Variants in CUL3 observed in about 807,000 individuals in gnomAD.
CUL3 encodes cullin 3.
Under a neutral mutation model 89.1 loss-of-function variants are expected in CUL3, and 19 were observed. That is an observed-to-expected ratio of 0.21 (90% CI 0.15 to 0.31). The LOEUF is 0.31. Ranked by LOEUF, CUL3 falls within the 10% of genes least tolerant of loss-of-function variation. The probability of loss-of-function intolerance (pLI) is 1.00; values close to 1 mark genes in which losing one functional copy is unlikely to be tolerated. For missense variants in CUL3, 469 were observed against 942.3 expected, an observed-to-expected ratio of 0.50 and a Z score of 6.58; for synonymous variants, 351 against 308.4, an observed-to-expected ratio of 1.14 and a Z score of -1.45.
intron 8 of CUL3, among the ~76,000 whole-genome samples, chr2:224,505,478 C>T (rs1234771919): frequency 6.6e-6 from 1 of 152,144 alleles, no homozygotes; most frequent in Non-Finnish European, 1.5e-5. Context: ...CTCTGTCGCC[C>T]AGCATAGAGT....
chr2:224,552,365 A>C (rs1224328393), intron 2 of CUL3, among the ~76,000 whole-genome samples: 1 of 152,210 alleles, frequency 6.6e-6, no homozygotes, highest in Admixed American at 6.5e-5. Context: ...GGTCTTGAGA[A>C]ATGAACTAAA....
At chr2:224,557,416 T>G (rs1694747687) in intron 2 of CUL3, among the ~76,000 whole-genome samples, 1 of 152,184 alleles carries the variant, frequency 6.6e-6, no homozygotes, top group African/African-American at 2.4e-5. Flanking sequence ...ATTACTGAGT[T>G]TGCTTCATTA....
In CUL3 at chr2:224,482,986, T is replaced by C. The variant is rs75093018; in HGVS notation, c.1843-908A>G. Among the ~76,000 whole-genome samples the C allele has an allele frequency of 5.8e-3, 876 of 152,246 alleles. 9 individuals carry two copies. Among genetic ancestry groups the C allele is most frequent in the African/African-American group, 0.021 (852 of 41,558 alleles). On this transcript the variant is annotated intron_variant, in intron 13 of 15. Transcript: ENST00000264414. The stretch of plus-strand genomic sequence containing the variant: ...AGTAACTGATCTGGAGAGTCAGTCA[T>C]TCTCTCTAGACAAGTCTTTGAGCAA...
chr2:224,535,734 G>T (rs1243940310), intron 2 of CUL3, 93 bp from the exon 3 acceptor site: 4 of 762,266 alleles, frequency 5.2e-6, no homozygotes, highest in East Asian at 5.4e-5. Flanking sequence ...ATAATGAAGT[G>T]GAATCTTTAA....
At chr2:224,474,479 A>G (rs1691245026) in intron 15 of CUL3, 103 bp from the exon 16 acceptor site, 2 of 907,636 alleles carry the variant, frequency 2.2e-6, no homozygotes, top group South Asian at 4.0e-5. Flanking sequence ...GAACTTTACT[A>G]ACTGGATTAC....
intron 1 of CUL3, among the ~76,000 whole-genome samples, chr2:224,573,480 T>C (rs1695231558): frequency 6.6e-6 from 1 of 152,234 alleles, no homozygotes; most frequent in South Asian, 2.1e-4. Flanking sequence ...TTCCCAAGTT[T>C]TTCATAACTT....
intron 1 of CUL3, among the ~76,000 whole-genome samples, chr2:224,566,009 A>G (rs781725231): frequency 6.6e-6 from 1 of 152,166 alleles, no homozygotes; most frequent in Non-Finnish European, 1.5e-5. Context: ...AGCAATGACA[A>G]TCTTTTCCAT....
chr2:224,487,629 A>C (rs776431887), intron 13 of CUL3, among the ~76,000 whole-genome samples: 2 of 152,134 alleles, frequency 1.3e-5, no homozygotes, highest in Admixed American at 6.5e-5. Context: ...CTCTACAAAG[A>C]GACTCAGACT....
At chr2:224,489,042 C>T (rs988228999) in intron 13 of CUL3, among the ~76,000 whole-genome samples, 1 of 152,176 alleles carries the variant, frequency 6.6e-6, no homozygotes, top group Non-Finnish European at 1.5e-5. Context: ...GCAGAAAAGA[C>T]CTTTGGTAAA....
chr2:224,570,045 C>T (rs1445900837), intron 1 of CUL3, among the ~76,000 whole-genome samples: 1 of 143,418 alleles, frequency 7.0e-6, no homozygotes, highest in Admixed American at 7.0e-5. Context: ...CTATTAATTA[C>T]ATAAGGAAGC....
At chr2:224,517,086 CTTT>C (rs1693081459) in intron 3 of CUL3, among the ~76,000 whole-genome samples, 2 of 152,272 alleles carry the variant, frequency 1.3e-5, no homozygotes, top group South Asian at 2.1e-4. Flanking sequence ...ACAAGAATCC[CTTT>C]TATTATAAAA....
intron 1 of CUL3, among the ~76,000 whole-genome samples, chr2:224,562,515 G>A (rs549630080): frequency 7.8e-4 from 119 of 151,988 alleles, no homozygotes; most frequent in Middle Eastern, 6.8e-3. Flanking sequence ...GTGCGTGCCT[G>A]TAATCCCAGC....
At chr2:224,488,010 C>T (rs1691804411) in intron 13 of CUL3, among the ~76,000 whole-genome samples, 1 of 152,110 alleles carries the variant, frequency 6.6e-6, no homozygotes, top group Non-Finnish European at 1.5e-5. Context: ...GGGTAAATAA[C>T]ACAATGAAGG....
chr2:224,581,312 C>T (rs1367782198), intron 1 of CUL3, among the ~76,000 whole-genome samples: 1 of 151,128 alleles, frequency 6.6e-6, no homozygotes, highest in Non-Finnish European at 1.5e-5. Context: ...AGAAGAATCG[C>T]TCGAACCCAG....
At chr2:224,576,765 C>T (rs1338014264) in intron 1 of CUL3, among the ~76,000 whole-genome samples, 1 of 151,602 alleles carries the variant, frequency 6.6e-6, no homozygotes, top group East Asian at 1.9e-4. Context: ...TTTAGATGCA[C>T]ATTTAACGTA....
chr2:224,574,580 G>C (rs1338060485), intron 1 of CUL3, among the ~76,000 whole-genome samples: 12 of 152,148 alleles, frequency 7.9e-5, no homozygotes, highest in African/African-American at 2.9e-4. Context: ...GGACCACAGA[G>C]GGAGCTTTCA....
At chr2:224,548,029 C>T (rs1694369071) in intron 2 of CUL3, among the ~76,000 whole-genome samples, 1 of 151,782 alleles carries the variant, frequency 6.6e-6, no homozygotes, top group Non-Finnish European at 1.5e-5. Context: ...CAAATAAGAC[C>T]CTAGGTACAA....
chr2:224,489,831 C>A (rs1691887647), intron 13 of CUL3, among the ~76,000 whole-genome samples: 1 of 152,158 alleles, frequency 6.6e-6, no homozygotes, highest in Admixed American at 6.5e-5. Context: ...AAAGCAACTG[C>A]AACAAAAGCC....
chr2:224,557,686 T>C lies in CUL3; in HGVS notation c.237A>G (p.Glu79=), dbSNP rs1332242072. 2 of 1,611,620 alleles carry C rather than the reference T, an allele frequency of 1.2e-6. No individual in the cohort carries two copies. The highest frequency in any genetic ancestry group is 2.2e-5 in the East Asian group (1 of 44,752). The part of the protein sequence containing the change: ...HGEKLYTGLR[E]VVTEHLINKV... Reference sequence around the variant, plus strand: ...TATTTATGAGATGTTCGGTAACAACTTCTCTTAGTCCAGTGTAGAGCTTTT... The same window carrying C: ...TATTTATGAGATGTTCGGTAACAACCTCTCTTAGTCCAGTGTAGAGCTTTT... The change falls in exon 2 of 16, where the codon GAA becomes GAG. Residue 79 remains glutamate (E), a synonymous_variant. Coordinates refer to ENST00000264414, the MANE Select transcript of CUL3 (RefSeq NM_003590.5).
Sources: allele counts gnomAD v4.1 joint callset (sites outside exome capture counted in the v4.1 genomes callset), GRCh38; gene constraint gnomAD v4.1.1; transcripts MANE v1.5; gene names NCBI Gene and HGNC (gene_info 2026-07-23, HGNC 2026-07-21).